SEC24D: variants seen among roughly 807,000 people sequenced by gnomAD.
SEC24D encodes the protein protein transport protein Sec24D.
SEC24D carries 69 observed loss-of-function variants against 116.9 expected under a neutral mutation model. The observed-to-expected ratio is 0.59, with a 90% CI of 0.49 to 0.72. The LOEUF (loss-of-function observed/expected upper bound fraction) is 0.72, where lower values mean the gene tolerates loss of function less well. Ranked by LOEUF, SEC24D falls within the 30% of genes least tolerant of loss-of-function variation. The pLI is 0.00. For missense variants in SEC24D, 1,131 were observed against 1,264.1 expected (o/e 0.89, Z 1.60); for synonymous variants, 405 against 442.8 (o/e 0.91, Z 1.07).
At chr4:118,826,122 CTA>C (rs1560764271) in intron 2 of SEC24D, among the ~76,000 whole-genome samples, 1 of 151,858 alleles carries the variant, frequency 6.6e-6, no homozygotes, top group African/African-American at 2.4e-5. Context: ...TATATTAATT[CTA>C]CATAGTTTTA....
intron 9 of SEC24D, chr4:118,766,454 T>C (rs1031031504): frequency 6.6e-6 from 1 of 152,196 alleles, no homozygotes; most frequent in Non-Finnish European, 1.5e-5. Context: ...GGCTTCCTTG[T>C]AGGGACACAT....
chr4:118,742,373 T>TTG (rs1553923027), intron 15 of SEC24D, among the ~76,000 whole-genome samples: 5 of 149,092 alleles, frequency 3.4e-5, no homozygotes, highest in Admixed American at 6.7e-5. Flanking sequence ...TTTGGAAAAG[T>TTG]GGGGGGGGGA....
At chr4:118,797,330 ATCT>A (rs1729222715) in intron 8 of SEC24D, among the ~76,000 whole-genome samples, 1 of 152,228 alleles carries the variant, frequency 6.6e-6, no homozygotes, top group Non-Finnish European at 1.5e-5. Context: ...AGGATCTATC[ATCT>A]TCCCTCAACA....
chr4:118,744,716 C>A (rs903249576), intron 14 of SEC24D, among the ~76,000 whole-genome samples: 2 of 152,320 alleles, frequency 1.3e-5, no homozygotes, highest in South Asian at 2.1e-4. Context: ...TGAGCCACCG[C>A]GCCCAGCCTG....
At chr4:118,754,933 A>G (rs543587493) in intron 11 of SEC24D, among the ~76,000 whole-genome samples, 1 of 152,278 alleles carries the variant, frequency 6.6e-6, no homozygotes, top group South Asian at 2.1e-4. Context: ...CTAAGGCAAA[A>G]TACATAAAAG....
chr4:118,727,503 A>T (rs1725473333), intron 22 of SEC24D, among the ~76,000 whole-genome samples: 2 of 152,054 alleles, frequency 1.3e-5, no homozygotes, highest in South Asian at 4.1e-4. Flanking sequence ...GCAAATGCCC[A>T]GTTGGAGGGA....
rs747116300 is a variant in SEC24D, at chr4:118,723,636, C to T, written c.2978G>A (p.Arg993Gln). The T allele has an allele frequency of 1.6e-5, 26 of 1,611,728 alleles. No homozygotes were observed. Among genetic ancestry groups the T allele is most frequent in the Admixed American group, 3.3e-5 (2 of 59,710 alleles). ...TCGGAAAACCATTTCTGGTTGTTCT[C>T]GCTGCTTTACAATTGTGAGCTAGGA... ...YSMKLTIVKQ[R>Q]EQPEMVFRQF... The change falls in exon 23 of 23, where the codon CGA becomes CAA. Residue 993 changes from arginine to glutamine, a missense_variant. Physicochemically the swap from Arg to Gln is conservative, Grantham distance 43. Coordinates refer to ENST00000280551, the MANE Select transcript of SEC24D (RefSeq NM_014822.4).
At chr4:118,728,892 A>G (rs1725541241) in intron 21 of SEC24D, 7 of 405,724 alleles carry the variant, frequency 1.7e-5, no homozygotes, top group Non-Finnish European at 2.7e-5. Context: ...AATTTGACAC[A>G]TGTACATCAC....
intron 2 of SEC24D, among the ~76,000 whole-genome samples, chr4:118,832,172 T>C (rs1477630786): frequency 4.6e-5 from 7 of 151,768 alleles, no homozygotes; most frequent in Admixed American, 2.6e-4. Context: ...GAGGCGGAGG[T>C]TGCAGTGAGC....
At chr4:118,787,581 G>C (rs539972589) in intron 8 of SEC24D, among the ~76,000 whole-genome samples, 31 of 152,278 alleles carry the variant, frequency 2.0e-4, no homozygotes, top group African/African-American at 6.5e-4. Flanking sequence ...GGGAGGCCGA[G>C]GCAGGTGGAC....
intron 8 of SEC24D, among the ~76,000 whole-genome samples, chr4:118,795,725 AAACAATCAC>A (rs1729151567): frequency 6.6e-6 from 1 of 152,212 alleles, no homozygotes; most frequent in South Asian, 2.1e-4. Context: ...CTATCACAGA[AAACAATCAC>A]AACTGTGGCT....
chr4:118,806,396 C>T lies in SEC24D; in HGVS notation c.802-442G>A, dbSNP rs938457066. Among the ~76,000 whole-genome samples the T allele has an allele frequency of 3.3e-5, 5 of 151,624 alleles. No individual in the cohort carries two copies. In the East Asian group the frequency reaches 7.8e-4, roughly 24 times the overall value. On this transcript the variant is annotated intron_variant, in intron 6 of 22. Transcript: ENST00000280551. ...TGTCACCAAGGCTGGAGTGCTGTGC[C>T]GCAATCATAGCTCACTGCAGCCTTC...
At chr4:118,820,915 A>G (rs113405558) in intron 3 of SEC24D, among the ~76,000 whole-genome samples, 64 of 152,322 alleles carry the variant, frequency 4.2e-4, no homozygotes, top group African/African-American at 1.5e-3. Context: ...ATAAAACATG[A>G]AAATTTAGCC....
intron 6 of SEC24D, among the ~76,000 whole-genome samples, chr4:118,806,596 G>A (rs1388297470): frequency 2.0e-5 from 3 of 151,772 alleles, no homozygotes; most frequent in South Asian, 2.1e-4. Flanking sequence ...GCCTCTCAAA[G>A]TGTTGGTGTT....
chr4:118,770,443 A>C (rs1727846087), intron 8 of SEC24D, among the ~76,000 whole-genome samples: 1 of 152,222 alleles, frequency 6.6e-6, no homozygotes, highest in African/African-American at 2.4e-5. Flanking sequence ...TTAAAAGTAC[A>C]ATTACCAATC....
chr4:118,834,437 G>C (rs1472048798), intron 1 of SEC24D, among the ~76,000 whole-genome samples: 13 of 152,116 alleles, frequency 8.5e-5, no homozygotes, highest in Admixed American at 8.5e-4. Flanking sequence ...GTGTAATTTT[G>C]TAAGTGTGTA....
intron 3 of SEC24D, among the ~76,000 whole-genome samples, chr4:118,823,842 C>T (rs1301831653): frequency 6.6e-6 from 1 of 152,162 alleles, no homozygotes; most frequent in East Asian, 1.9e-4. Context: ...TTTTGATAAT[C>T]CCTCACTGGC....
intron 13 of SEC24D, among the ~76,000 whole-genome samples, chr4:118,750,315 TTC>T (rs1313035965): frequency 6.6e-6 from 1 of 152,220 alleles, no homozygotes. Flanking sequence ...TATATATTTT[TTC>T]TTTCTAAGCT....
intron 15 of SEC24D, 43 bp from the exon 16 acceptor site, chr4:118,741,080 A>C (rs772479426): frequency 3.1e-5 from 29 of 922,060 alleles, no homozygotes; most frequent in Non-Finnish European, 4.6e-5. Context: ...GATGGCAGTA[A>C]AATACTTAAA....
Sources: allele counts gnomAD v4.1 joint callset (sites outside exome capture counted in the v4.1 genomes callset), GRCh38; gene constraint gnomAD v4.1.1; transcripts MANE v1.5; gene names NCBI Gene and HGNC (gene_info 2026-07-23, HGNC 2026-07-21).